AURKB: variants seen among roughly 807,000 people sequenced by gnomAD.
AURKB encodes the protein aurora kinase B.
A neutral mutation model predicts 36.5 loss-of-function variants in AURKB; 28 were observed. That is an observed-to-expected ratio of 0.77 (90% CI 0.57 to 1.05). The LOEUF is 1.05. Ranked by LOEUF, AURKB falls within the 50% of genes least tolerant of loss-of-function variation. The probability of loss-of-function intolerance (pLI) is 0.00; values close to 1 mark genes in which losing one functional copy is unlikely to be tolerated. For missense variants in AURKB, 383 were observed against 447.4 expected (o/e 0.86, Z 1.30); for synonymous variants, 175 against 172.9 (o/e 1.01, Z -0.09).
intron 2 of AURKB, among the ~76,000 whole-genome samples, chr17:8,208,424 C>CAA (rs749243188): frequency 8.1e-6 from 1 of 124,142 alleles, no homozygotes; most frequent in African/African-American, 3.0e-5. Context: ...GACTCCATCT[C>CAA]AAAAAAAAAA....
At chr17:8,210,306 G>GCC in intron 1 of AURKB, 57 bp from the exon 2 acceptor site, 2 of 1,276,924 alleles carry the variant, frequency 1.6e-6, no homozygotes, top group African/African-American at 1.5e-5. Context: ...AGAGAGGGAG[G>GCC]GGTTGGACCG....
At chr17:8,205,121 G>A (rs904268684) in intron 8 of AURKB, 77 bp from the exon 9 acceptor site, 17 of 1,542,008 alleles carry the variant, frequency 1.1e-5, no homozygotes, top group Non-Finnish European at 1.5e-5. Flanking sequence ...ATTCTGTTTG[G>A]AGTTACTTAG....
chr17:8,209,930 G>A (rs935591353), intron 2 of AURKB: 4 of 578,676 alleles, frequency 6.9e-6, no homozygotes, highest in Admixed American at 6.4e-5. Flanking sequence ...ATTTGTATGT[G>A]ACGAGCCCTG....
chr17:8,210,019 A>C (rs7221670), intron 2 of AURKB, 158 bp downstream of exon 2: 3 of 941,944 alleles, frequency 3.2e-6, no homozygotes, highest in Non-Finnish European at 4.9e-6. Flanking sequence ...GCTACAAATG[A>C]CCAGAGCGGG....
chr17:8,206,438 A>G lies in AURKB; in HGVS notation c.686+53T>C. The stretch of plus-strand genomic sequence containing the variant: ...GAGCCACGGTGCACGGCCCCTGGAG[A>G]GGTTTTAATGGCCCAGCCTCACACC... On this transcript the variant is annotated intron_variant, in intron 7 of 8. Coordinates refer to ENST00000585124, the MANE Select transcript of AURKB (RefSeq NM_004217.4). This position sits in a 1 kb window ranked among gnomAD's most constrained non-coding sequence, Gnocchi z 4.2. The G allele has an allele frequency of 6.2e-7, 1 of 1,608,704 alleles. No homozygotes were observed. The highest frequency in any genetic ancestry group is 8.5e-7 in the Non-Finnish European group (1 of 1,177,520).
intron 7 of AURKB, 97 bp from the exon 8 acceptor site, chr17:8,205,487 T>A: frequency 6.8e-7 from 1 of 1,476,242 alleles, no homozygotes; most frequent in Non-Finnish European, 9.2e-7. Flanking sequence ...CCACGGGATG[T>A]ACCAGGGGAG....
chr17:8,204,877 G>C lies in AURKB; in HGVS notation c.1029C>G (p.Val343=), dbSNP rs754169634. 2 of 1,611,608 alleles carry C rather than the reference G, an allele frequency of 1.2e-6. No homozygotes were observed. The highest frequency in any genetic ancestry group is 1.7e-6 in the Non-Finnish European group (2 of 1,179,418). The change falls in exon 9 of 9, where the codon GTC becomes GTG. Residue 343 remains valine, a synonymous_variant. Coordinates refer to ENST00000585124, the MANE Select transcript of AURKB (RefSeq NM_004217.4). ...RVLPPSALQS[V]A is the part of the protein sequence containing the mutation. ...GAGTGAATGACAGGGACCATCAGGC[G>C]ACAGATTGAAGGGCAGAGGGAGGCA...
rs768610030 is a variant in AURKB at position 8,204,916 on chromosome 17, G to A, written c.990C>T (p.Asn330=). The part of the protein sequence containing the change: ...QVSAHPWVRA[N]SRRVLPPSAL... ...CAGAGGGAGGCAGCACCCTCCGAGA[G>A]TTGGCCCGGACCCAAGGGTGGGCTG... Residue 330 remains asparagine, a synonymous_variant, in exon 9 of 9, where the codon AAC becomes AAT. Transcript: ENST00000585124. 9.3e-6 allele frequency: 15 copies of A among 1,606,726 alleles called. No individual in the cohort carries two copies. The highest frequency in any genetic ancestry group is 1.3e-5 in the Non-Finnish European group (15 of 1,178,334).
At chr17:8,207,447 C>T (rs1985480526) in intron 4 of AURKB, 80 bp from the exon 5 acceptor site, 1 of 1,557,530 alleles carries the variant, frequency 6.4e-7, no homozygotes, top group Non-Finnish European at 8.8e-7. Context: ...TTCCTCATCC[C>T]ATCCTGTCCT....
In AURKB at chr17:8,204,773, A is replaced by T; in HGVS notation, c.*98T>A. 6.8e-7 allele frequency: 1 copy of T among 1,475,414 alleles called. No individual in the cohort carries two copies. The highest frequency in any genetic ancestry group is 9.3e-7 in the Non-Finnish European group (1 of 1,079,426). The allele number at this position is 1,475,414 out of a possible 1,614,324, so 91.4% of individuals were successfully genotyped here. A position where few individuals can be genotyped will look rare whatever the true frequency, so the allele number is the denominator to read the frequency against. On this transcript the variant is annotated 3_prime_UTR_variant, in exon 9 of 9. Coordinates refer to ENST00000585124, the MANE Select transcript of AURKB (RefSeq NM_004217.4). Reference sequence around the variant, plus strand: ...TTCAGCCTTTATTAAACAAAGGAGGAGGTAGAAAACAGATAAGGGAACAGT... The same window carrying T: ...TTCAGCCTTTATTAAACAAAGGAGGTGGTAGAAAACAGATAAGGGAACAGT...
chr17:8,209,988 G>C (rs1985890327), intron 2 of AURKB, 189 bp downstream of exon 2: 1 of 701,158 alleles, frequency 1.4e-6, no homozygotes, highest in African/African-American at 1.8e-5. Flanking sequence ...GATTCACGTT[G>C]GCAGCACCTG....
chr17:8,207,940 C>T (rs112287362), intron 2 of AURKB, 100 bp from the exon 3 acceptor site: 3 of 886,734 alleles, frequency 3.4e-6, no homozygotes, highest in Non-Finnish European at 5.1e-6. Context: ...AAGAGCCACC[C>T]ACCCACCTAC....
rs200378388 is a variant in AURKB at position 8,206,661 on chromosome 17, A to C, written c.538-22T>G. 73 of 1,614,138 alleles carry C rather than the reference A, an allele frequency of 4.5e-5. No individual in the cohort carries two copies. Among genetic ancestry groups the C allele is most frequent in the South Asian group, 4.4e-4 (40 of 91,088 alleles). On this transcript the variant is annotated intron_variant, in intron 6 of 8. Transcript: ENST00000585124. The surrounding 1 kb of genome is among the most constrained non-coding windows in gnomAD (Gnocchi z 4.2). ...TGATCTGGGAGGGGCAACGACAGGC[A>C]ATCAGACAAGGATGGACCTCCAGCT...
rs1985133497 is a variant in AURKB at position 8,205,506 on chromosome 17, C to A, written c.687-116G>T. 1.6e-5 allele frequency: 21 copies of A among 1,308,314 alleles called. No homozygotes were observed. In the South Asian group the frequency reaches 2.6e-4, roughly 16 times the overall value. 81.0% of individuals were successfully genotyped at this position (1,308,314 alleles called of 1,614,324 possible). Reference sequence around the variant, plus strand: ...GGGATGTACCAGGGGAGAGGTCCAGCCAGGCAAGGCCACTGGAGTGGGGGT... The same window carrying A: ...GGGATGTACCAGGGGAGAGGTCCAGACAGGCAAGGCCACTGGAGTGGGGGT... On this transcript the variant is annotated intron_variant, in intron 7 of 8. Coordinates refer to ENST00000585124, the MANE Select transcript of AURKB (RefSeq NM_004217.4).
intron 2 of AURKB, 161 bp downstream of exon 2, chr17:8,210,016 A>C (rs1316124783): frequency 3.2e-6 from 3 of 924,094 alleles, no homozygotes; most frequent in African/African-American, 1.6e-5. Flanking sequence ...GTGGCTACAA[A>C]TGACCAGAGC....
intron 2 of AURKB, 66 bp from the exon 3 acceptor site, chr17:8,207,906 A>G: frequency 7.4e-7 from 1 of 1,349,564 alleles, no homozygotes; most frequent in Non-Finnish European, 1.0e-6. Flanking sequence ...AATGTGCTGC[A>G]AGCAGTATTT....
Position 8,206,724 on chromosome 17 carries a change from C to T in AURKB, c.537+26G>A, listed in dbSNP as rs755736281. 14 of 1,612,316 alleles carry T rather than the reference C, an allele frequency of 8.7e-6. No individual in the cohort carries two copies. The highest frequency in any genetic ancestry group is 2.7e-5 in the African/African-American group (2 of 74,912). ...CCCTCAGCCTCGAGCCCCCTACTGG[C>T]GCCCCAGGTGCCCACCCGCCCGGAC... is the stretch of plus-strand genomic sequence containing the variant. On this transcript the variant is annotated intron_variant, in intron 6 of 8. Transcript: ENST00000585124. This position sits in a 1 kb window ranked among gnomAD's most constrained non-coding sequence, Gnocchi z 4.2.
chr17:8,209,377 G>T (rs552612264), intron 2 of AURKB, among the ~76,000 whole-genome samples: 8 of 152,278 alleles, frequency 5.3e-5, no homozygotes, highest in Non-Finnish European at 1.2e-4. Context: ...AGTGACAATG[G>T]TTTCTCATTC....
At chr17:8,210,122 C>A in intron 2 of AURKB, 55 bp downstream of exon 2, 1 of 1,599,616 alleles carries the variant, frequency 6.3e-7, no homozygotes, top group Non-Finnish European at 8.6e-7. Flanking sequence ...AGTTTCCCAG[C>A]AGGAACTCGC....
Sources: gnomAD v4.1 joint callset for allele counts (sites outside exome capture counted in the v4.1 genomes callset) on GRCh38, gnomAD v4.1.1 for gene constraint, Gnocchi (gnomAD v3.1) non-coding constraint, MANE v1.5 for transcripts, NCBI Gene and HGNC (gene_info 2026-07-23, HGNC 2026-07-21) for gene names.